The following SARS1 variants were observed in gnomAD, a reference collection of about 807,000 sequenced individuals.
SARS1 encodes the protein serine--tRNA ligase, cytoplasmic.
A neutral mutation model predicts 63.7 loss-of-function variants in SARS1; 25 were observed. The observed-to-expected ratio is 0.39, with a 90% CI of 0.29 to 0.55. The LOEUF is 0.55. Ranked by LOEUF, SARS1 falls within the 20% of genes least tolerant of loss-of-function variation. SARS1 has a pLI of 0.62. For synonymous variants in SARS1, 231 were observed against 243.5 expected (o/e 0.95, Z 0.48); for missense variants, 417 against 649.7 (o/e 0.64, Z 3.89).
intron 2 of SARS1, among the ~76,000 whole-genome samples, chr1:109,226,715 C>T (rs1170632369): frequency 7.6e-5 from 4 of 52,698 alleles, no homozygotes; most frequent in East Asian, 9.9e-4. Context: ...CACACACACA[C>T]ACACACACAC....
chr1:109,229,359 C>T (rs1200112881), intron 3 of SARS1, 55 bp from the exon 4 acceptor site: 19 of 1,570,852 alleles, frequency 1.2e-5, no homozygotes, highest in Admixed American at 1.8e-5. Flanking sequence ...AATCATATTC[C>T]TGTGCTGTCC....
chr1:109,215,908 T>G (rs1343914427), intron 1 of SARS1: 1 of 459,506 alleles, frequency 2.2e-6, no homozygotes, highest in Non-Finnish European at 2.9e-6. Context: ...TTCACCATGT[T>G]GGCCAGGCTG....
At chr1:109,223,543 C>T (rs1372117712) in intron 1 of SARS1, among the ~76,000 whole-genome samples, 4 of 152,202 alleles carry the variant, frequency 2.6e-5, no homozygotes, top group Admixed American at 2.6e-4. Context: ...AAGATTAGGC[C>T]GGGCACAGTG....
Position 109,214,510 on chromosome 1 carries a change from T to G in SARS1, c.136+382T>G. ...GTCCCCCCCAGTCTTTTTCTCATCT[T>G]CAGCAAGGCCAGAGTGGTTTTCCTT... On this transcript the variant is annotated intron_variant, in intron 1 of 10. Coordinates refer to ENST00000234677, the MANE Select transcript of SARS1 (RefSeq NM_006513.4). The surrounding 1 kb of genome is among the most constrained non-coding windows in gnomAD (Gnocchi z 4.6). The G allele has an allele frequency of 9.8e-7, 1 of 1,016,892 alleles. No individual in the cohort carries two copies. The highest frequency in any genetic ancestry group is 1.2e-6 in the Non-Finnish European group (1 of 847,920). The allele number at this position is 1,016,892 out of a possible 1,614,324, so 63.0% of individuals were successfully genotyped here.
rs1655281207 is a variant in SARS1 at position 109,235,078 on chromosome 1, C to A, written c.748-132C>A. On this transcript the variant is annotated intron_variant, in intron 6 of 10. Coordinates refer to ENST00000234677, the MANE Select transcript of SARS1 (RefSeq NM_006513.4). This position sits in a 1 kb window ranked among gnomAD's most constrained non-coding sequence, Gnocchi z 4.7. ...CCCATTCCTTTATCTTTTTAGTATT[C>A]TCTCCCCACTCCCAGGCAGGGATTA... is the stretch of plus-strand genomic sequence containing the variant. 2.8e-6 allele frequency: 2 copies of A among 704,290 alleles called. No individual in the cohort carries two copies. Among genetic ancestry groups the A allele is most frequent in the Admixed American group, 2.1e-5 (1 of 47,128 alleles). 43.6% of individuals were successfully genotyped at this position (704,290 alleles called of 1,614,324 possible).
intron 5 of SARS1, chr1:109,231,274 A>T (rs1655205802): frequency 3.8e-6 from 1 of 264,926 alleles, no homozygotes; most frequent in Non-Finnish European, 6.9e-6. Context: ...TGTTTTGCTG[A>T]CTGAATCAGA....
rs530798829 is a variant in SARS1 at position 109,214,615 on chromosome 1, G to C, written c.136+487G>C. 1 of 985,734 alleles carries C rather than the reference G, an allele frequency of 1.0e-6. No homozygotes were observed. 61.1% of individuals were successfully genotyped at this position (985,734 alleles called of 1,614,324 possible). On this transcript the variant is annotated intron_variant, in intron 1 of 10. Transcript: ENST00000234677. This position sits in a 1 kb window ranked among gnomAD's most constrained non-coding sequence, Gnocchi z 4.6. ...TAGATTCATTCCTTCGGTATCGGAA[G>C]CATTTCGGGGCGTTGGAGGCCGCTC... is the stretch of plus-strand genomic sequence containing the variant.
Position 109,237,431 on chromosome 1 carries a change from A to T in SARS1, c.1387+58A>T, listed in dbSNP as rs1034640130. 25 of 1,610,790 alleles carry T rather than the reference A, an allele frequency of 1.6e-5. No homozygotes were observed. Among genetic ancestry groups the T allele is most frequent in the Non-Finnish European group, 2.0e-5 (23 of 1,177,786 alleles). On this transcript the variant is annotated intron_variant, in intron 10 of 10. Transcript: ENST00000234677. This position sits in a 1 kb window ranked among gnomAD's most constrained non-coding sequence, Gnocchi z 4.1. Reference sequence around the variant, plus strand: ...CTTTTCTGTCTTCACACTCTTCTAAATAGCAGTCCCCTTTCAGGATATACC... The same window carrying T: ...CTTTTCTGTCTTCACACTCTTCTAATTAGCAGTCCCCTTTCAGGATATACC...
At chr1:109,216,378 G>A in intron 1 of SARS1, 1 of 985,354 alleles carries the variant, frequency 1.0e-6, no homozygotes, top group Non-Finnish European at 1.2e-6. Flanking sequence ...AGTATAACTT[G>A]GAGTGATAAT....
chr1:109,215,092 A>G (rs1654754965), intron 1 of SARS1: 1 of 985,330 alleles, frequency 1.0e-6, no homozygotes, highest in African/African-American at 1.7e-5. Flanking sequence ...TTCTATTAGG[A>G]AAATTGATTT....
At chr1:109,232,258 C>T (rs1054717424) in intron 6 of SARS1, among the ~76,000 whole-genome samples, 3 of 152,206 alleles carry the variant, frequency 2.0e-5, no homozygotes, top group Non-Finnish European at 2.9e-5. Context: ...CAGTTTGTGG[C>T]TCCTTCTCAA....
At chr1:109,226,677 A>ATATATATAT (rs1553177727) in intron 2 of SARS1, among the ~76,000 whole-genome samples, 85 of 44,910 alleles carry the variant, frequency 1.9e-3, no homozygotes, top group African/African-American at 6.1e-3. Context: ...AAAAAAAAAA[A>ATATATATAT]ATATATATAT....
chr1:109,234,004 G>A (rs1274950578), intron 6 of SARS1, among the ~76,000 whole-genome samples: 3 of 151,178 alleles, frequency 2.0e-5, no homozygotes, highest in Non-Finnish European at 2.9e-5. Flanking sequence ...TGAGTAGCTG[G>A]GACTACAGGC....
In SARS1 at chr1:109,237,516, G is replaced by C; in HGVS notation, c.1387+143G>C. On this transcript the variant is annotated intron_variant, in intron 10 of 10. Coordinates refer to ENST00000234677, the MANE Select transcript of SARS1 (RefSeq NM_006513.4). This position sits in a 1 kb window ranked among gnomAD's most constrained non-coding sequence, Gnocchi z 4.1. ...TGTCTGCCCTCTCGGGCTGGGCAGG[G>C]CAGGGGGCCTGGTTGAGAAAGTAGC... The C allele has an allele frequency of 7.5e-7, 1 of 1,333,500 alleles. No individual in the cohort carries two copies. The highest frequency in any genetic ancestry group is 1.3e-5 in the South Asian group (1 of 76,982). The allele number at this position is 1,333,500 out of a possible 1,614,324, so 82.6% of individuals were successfully genotyped here.
At chr1:109,223,433 A>G (rs1308766586) in intron 1 of SARS1, among the ~76,000 whole-genome samples, 3 of 152,182 alleles carry the variant, frequency 2.0e-5, no homozygotes, top group Non-Finnish European at 2.9e-5. Flanking sequence ...ATACTTTTTA[A>G]TTTTAACCTC....
Position 109,235,526 on chromosome 1 carries a change from C to A in SARS1, c.969+95C>A. The A allele has an allele frequency of 3.0e-6, 3 of 1,013,442 alleles. No homozygotes were observed. The highest frequency in any genetic ancestry group is 1.6e-5 in the African/African-American group (1 of 62,716). 62.8% of individuals were successfully genotyped at this position (1,013,442 alleles called of 1,614,324 possible). Reference sequence around the variant, plus strand: ...TCTGTGTTGCTGAGGCCCATCCTGGCTCCAGCTTTTCCTCTCATTGCTTAC... The same window carrying A: ...TCTGTGTTGCTGAGGCCCATCCTGGATCCAGCTTTTCCTCTCATTGCTTAC... On this transcript the variant is annotated intron_variant, in intron 7 of 10. Coordinates refer to ENST00000234677, the MANE Select transcript of SARS1 (RefSeq NM_006513.4). This position sits in a 1 kb window ranked among gnomAD's most constrained non-coding sequence, Gnocchi z 4.7.
chr1:109,231,209 C>A, intron 5 of SARS1, 188 bp downstream of exon 5: 1 of 318,512 alleles, frequency 3.1e-6, no homozygotes, highest in Non-Finnish European at 5.3e-6. Flanking sequence ...CAAGAGAGGG[C>A]TTATCAGGAT....
chr1:109,216,054 AC>A (rs1654778230), intron 1 of SARS1: 9 of 985,140 alleles, frequency 9.1e-6, no homozygotes, highest in South Asian at 4.7e-5. Context: ...CTATTTGACA[AC>A]CCTTTCCAAT....
intron 1 of SARS1, chr1:109,217,293 G>A (rs191508462): frequency 7.2e-6 from 2 of 279,586 alleles, no homozygotes; most frequent in East Asian, 3.6e-4. Context: ...TACCTTAAAT[G>A]TGCTCAGAAC....
Sources: allele counts gnomAD v4.1 joint callset (sites outside exome capture counted in the v4.1 genomes callset), GRCh38; gene constraint gnomAD v4.1.1; non-coding constraint Gnocchi (gnomAD v3.1); transcripts MANE v1.5; gene names NCBI Gene and HGNC (gene_info 2026-07-23, HGNC 2026-07-21).